RALGAPB: variants seen among roughly 807,000 people sequenced by gnomAD.
The protein encoded by RALGAPB is ral GTPase-activating protein subunit beta.
Under a neutral mutation model 161.1 loss-of-function variants are expected in RALGAPB, and 25 were observed. That is an observed-to-expected ratio of 0.16 (90% confidence interval 0.11 to 0.22). RALGAPB has a LOEUF of 0.22. Among genes scored for constraint, RALGAPB ranks in the 10% least tolerant of loss-of-function variants. RALGAPB has a pLI of 1.00. For missense variants in RALGAPB, 1,391 were observed against 1,815.2 expected (o/e 0.77, Z 4.25); for synonymous variants, 629 against 626.1 (o/e 1.00, Z -0.07).
At chr20:38,574,571 T>C (rs2088365914) in intron 29 of RALGAPB, among the ~76,000 whole-genome samples, 1 of 152,184 alleles carries the variant, frequency 6.6e-6, no homozygotes, top group African/African-American at 2.4e-5. Flanking sequence ...TTAGAATAGA[T>C]TTTGATTCTC....
chr20:38,489,963 T>C (rs1365314063), intron 2 of RALGAPB, among the ~76,000 whole-genome samples: 2 of 152,044 alleles, frequency 1.3e-5, no homozygotes, highest in Non-Finnish European at 2.9e-5. Flanking sequence ...TTTTCTCCTT[T>C]CTCACCATTG....
rs115715005 is a variant in RALGAPB at position 38,542,619 on chromosome 20, C to T, written c.2714+1427C>T. Reference sequence around the variant, plus strand: ...CCCTTAAAAGTGTCATAGGGCTGGGCGCAGTGGCTGCACTTTGGGAGGCCG... The same window carrying T: ...CCCTTAAAAGTGTCATAGGGCTGGGTGCAGTGGCTGCACTTTGGGAGGCCG... On this transcript the variant is annotated intron_variant, in intron 18 of 29. Coordinates refer to ENST00000262879, the MANE Select transcript of RALGAPB (RefSeq NM_020336.4). Among the ~76,000 whole-genome samples, 863 of 152,094 alleles carry T rather than the reference C, an allele frequency of 5.7e-3. 6 individuals are homozygous for T. The highest frequency in any genetic ancestry group is 0.019 in the African/African-American group (809 of 41,490).
intron 9 of RALGAPB, 88 bp downstream of exon 9, chr20:38,518,088 T>C (rs1057019235): frequency 4.8e-6 from 6 of 1,247,842 alleles, no homozygotes; most frequent in Admixed American, 4.0e-5. Flanking sequence ...AAGATTAATA[T>C]GTATCTTAAA....
intron 28 of RALGAPB, chr20:38,573,641 C>A (rs1007122466): frequency 2.0e-5 from 3 of 152,218 alleles, no homozygotes; most frequent in African/African-American, 7.2e-5. Context: ...CGTCCTTCCC[C>A]ACCCTGAAAA....
chr20:38,519,788 G>A (rs972015599), intron 9 of RALGAPB, among the ~76,000 whole-genome samples: 2 of 152,120 alleles, frequency 1.3e-5, no homozygotes, highest in Non-Finnish European at 2.9e-5. Context: ...CTGGTGGGAG[G>A]CATGGGTATA....
chr20:38,553,810 A>G, intron 21 of RALGAPB, 57 bp from the exon 22 acceptor site: 2 of 770,010 alleles, frequency 2.6e-6, no homozygotes, highest in Non-Finnish European at 4.3e-6. Flanking sequence ...AACACTTAAG[A>G]TTGGCCTTAC....
chr20:38,524,901 G>A lies in RALGAPB; in HGVS notation c.1743G>A (p.Val581=). ...GTGACTTGAAAGGGATTGATGTTGT[G>A]GTTCCTTACTTTATTTCAGCTCTTG... The part of the protein sequence containing the change: ...FCCDLKGIDV[V]VPYFISALET... Residue 581 remains valine (V), a synonymous_variant, in exon 11 of 30, where the codon GTG becomes GTA. Transcript: ENST00000262879. 1 of 1,611,478 alleles carries A rather than the reference G, an allele frequency of 6.2e-7. No individual in the cohort carries two copies. The highest frequency in any genetic ancestry group is 1.7e-5 in the Admixed American group (1 of 60,016).
At chr20:38,526,474 C>A (rs575708646) in intron 13 of RALGAPB, among the ~76,000 whole-genome samples, 24 of 152,198 alleles carry the variant, frequency 1.6e-4, no homozygotes, top group African/African-American at 5.8e-4. Context: ...TCTGCACTTT[C>A]GTCCTAGTCC....
intron 18 of RALGAPB, among the ~76,000 whole-genome samples, chr20:38,544,789 G>A (rs1427340166): frequency 6.6e-6 from 1 of 152,108 alleles, no homozygotes; most frequent in Non-Finnish European, 1.5e-5. Context: ...TTCTAGATAT[G>A]ATTTGATGAT....
chr20:38,517,531 T>C lies in RALGAPB; in HGVS notation c.1077T>C (p.Ser359=). ...FLGISRPRSD[S]APPTPVNRLS... Reference sequence around the variant, plus strand: ...GTATTTCTAGACCCCGATCAGACAGTGCTCCCCCAACACCCGTGAATAGAT... The same window carrying C: ...GTATTTCTAGACCCCGATCAGACAGCGCTCCCCCAACACCCGTGAATAGAT... Residue 359 remains serine, a synonymous_variant, in exon 8 of 30, where the codon AGT becomes AGC. Transcript: ENST00000262879. 9 of 1,603,674 alleles carry C rather than the reference T, an allele frequency of 5.6e-6. No individual in the cohort carries two copies. Among genetic ancestry groups the C allele is most frequent in the Non-Finnish European group, 7.6e-6 (9 of 1,176,736 alleles).
Position 38,472,870 on chromosome 20 carries a change from G to A in RALGAPB, c.-230G>A. On this transcript the variant is annotated 5_prime_UTR_variant, in exon 1 of 30. Coordinates refer to ENST00000262879, the MANE Select transcript of RALGAPB (RefSeq NM_020336.4). ...TCGGAAGTTGCCTGAGCAGATCCCA[G>A]CCGGCTGGCTCGAGTGGCCTTCGTC... The A allele has an allele frequency of 2.5e-6, 1 of 399,006 alleles. No individual in the cohort carries two copies. The highest frequency in any genetic ancestry group is 4.4e-6 in the Non-Finnish European group (1 of 226,028). The allele number at this position is 399,006 out of a possible 1,614,324, so 24.7% of individuals were successfully genotyped here.
chr20:38,541,245 G>T lies in RALGAPB; in HGVS notation c.2714+53G>T. On this transcript the variant is annotated intron_variant, in intron 18 of 29. Coordinates refer to ENST00000262879, the MANE Select transcript of RALGAPB (RefSeq NM_020336.4). ...GCCTAGGAATTAGATGGGGTTAGCA[G>T]TGATCCATGTTGTTTCATTTCCTTC... The T allele has an allele frequency of 6.5e-6, 10 of 1,535,782 alleles. No homozygotes were observed. In the South Asian group the frequency reaches 1.2e-4, roughly 19 times the overall value.
chr20:38,538,347 T>C, intron 16 of RALGAPB: 1 of 219,886 alleles, frequency 4.5e-6, no homozygotes. Context: ...AGATTGGCCT[T>C]AAGAATCCCC....
At chr20:38,555,956 C>A (rs1277241505) in intron 22 of RALGAPB, among the ~76,000 whole-genome samples, 1 of 151,914 alleles carries the variant, frequency 6.6e-6, no homozygotes, top group African/African-American at 2.4e-5. Flanking sequence ...AAGGTTTATC[C>A]CAGGAACTTA....
At chr20:38,570,263 C>T (rs1245467261) in intron 27 of RALGAPB, among the ~76,000 whole-genome samples, 1 of 152,210 alleles carries the variant, frequency 6.6e-6, no homozygotes. Flanking sequence ...GTTGGCATCA[C>T]AGTCAGTGGT....
rs781384332 is a variant in RALGAPB, at chr20:38,567,113, A to G, written c.3835A>G (p.Asn1279Asp). ...CCCCATAGCTGATTCATTGGAAAGT[A>G]ACATCTCGGACCAAGATAGTGATTC... ...VESLTDSLES[N>D]ISDQDSDSNM... The change falls in exon 26 of 30, where the codon AAC (asparagine) becomes GAC (aspartate). Residue 1279 changes from asparagine (N) to aspartate (D), a missense_variant. Coordinates refer to ENST00000262879, the MANE Select transcript of RALGAPB (RefSeq NM_020336.4). 48 of 1,613,298 alleles carry G rather than the reference A, an allele frequency of 3.0e-5. 1 individual carries two copies. Among genetic ancestry groups the G allele is most frequent in the Non-Finnish European group, 3.0e-5 (35 of 1,179,580 alleles).
rs1357461835 is a variant in RALGAPB, at chr20:38,577,486, G to A, written c.*2519G>A. ...GGGGTGGATGAGTGTGGCATTCCGT[G>A]AAGAGGAAGGTGGTAAGTAAGGTTT... On this transcript the variant is annotated 3_prime_UTR_variant, in exon 30 of 30. Coordinates refer to ENST00000262879, the MANE Select transcript of RALGAPB (RefSeq NM_020336.4). 1 of 152,172 alleles carries A rather than the reference G, an allele frequency of 6.6e-6. No homozygotes were observed. The highest frequency in any genetic ancestry group is 1.5e-5 in the Non-Finnish European group (1 of 68,064). 9.4% of individuals were successfully genotyped at this position (152,172 alleles called of 1,614,324 possible).
In RALGAPB at chr20:38,535,679, G is replaced by A. The variant is rs143889914; in HGVS notation, c.2379+472G>A. Among the ~76,000 whole-genome samples the A allele has an allele frequency of 8.0e-5, 12 of 150,296 alleles. No homozygotes were observed. In the East Asian group the frequency reaches 2.0e-3, roughly 25 times the overall value. On this transcript the variant is annotated intron_variant, in intron 16 of 29. Transcript: ENST00000262879. ...GCAAACTTGTTGCACTGCAGCCTCC[G>A]CTTCCAAGCAATCCCCCTGCCTCAG...
intron 1 of RALGAPB, among the ~76,000 whole-genome samples, chr20:38,481,117 A>T (rs927211254): frequency 6.6e-6 from 1 of 151,966 alleles, no homozygotes; most frequent in Non-Finnish European, 1.5e-5. Context: ...TCAATGCACA[A>T]TTCGTATGCT....
Sources: gnomAD v4.1 joint callset for allele counts (sites outside exome capture counted in the v4.1 genomes callset) on GRCh38, gnomAD v4.1.1 for gene constraint, MANE v1.5 for transcripts, NCBI Gene and HGNC (gene_info 2026-07-23, HGNC 2026-07-21) for gene names.